Variants in ARMH3 observed in about 807,000 individuals in gnomAD.
ARMH3 encodes the protein armadillo like helical domain containing 3.
A neutral mutation model predicts 99.1 loss-of-function variants in ARMH3; 60 were observed. That is an observed-to-expected ratio of 0.61 (90% CI 0.49 to 0.75). ARMH3 has a LOEUF of 0.75. ARMH3 is among the 30% of genes least tolerant of loss of function. ARMH3 has a pLI of 0.00. For synonymous variants in ARMH3, 285 were observed against 292.8 expected (o/e 0.97, Z 0.27); for missense variants, 679 against 843.1 (o/e 0.81, Z 2.41).
intron 23 of ARMH3, among the ~76,000 whole-genome samples, chr10:101,939,148 T>C (rs773618573): frequency 6.6e-6 from 1 of 152,218 alleles, no homozygotes; most frequent in African/African-American, 2.4e-5. Flanking sequence ...GTTTGCCTCT[T>C]TTACTCAATG....
intron 20 of ARMH3, among the ~76,000 whole-genome samples, chr10:101,968,868 A>C (rs12779949): frequency 3.3e-5 from 5 of 152,182 alleles, no homozygotes; most frequent in Admixed American, 2.0e-4. Flanking sequence ...TCATAACTAC[A>C]TTATAGAACC....
At position 101,867,917 on chromosome 10, in the gene ARMH3, T is replaced by C. The variant is rs1040383338; in HGVS notation, c.1861-18025A>G. Among the ~76,000 whole-genome samples the C allele has an allele frequency of 6.1e-5, 9 of 148,760 alleles. No individual in the cohort carries two copies. The Admixed American group carries it at 6.1e-4, about 10-fold the overall frequency. On this transcript the variant is annotated intron_variant, in intron 24 of 25. Coordinates refer to ENST00000370033, the MANE Select transcript of ARMH3 (RefSeq NM_024541.3). ...ACTTTGGGACGCTGAGGCAGGAGAA[T>C]GGCTTGAGGTCAGGAGTTTGAGATC... is the stretch of plus-strand genomic sequence containing the variant.
intron 19 of ARMH3, among the ~76,000 whole-genome samples, chr10:101,989,746 A>T (rs1277309611): frequency 6.6e-6 from 1 of 152,156 alleles, no homozygotes; most frequent in Admixed American, 6.5e-5. Context: ...ACAAAAACAA[A>T]AAACTGTGAT....
intron 23 of ARMH3, among the ~76,000 whole-genome samples, chr10:101,923,268 T>C (rs1173875786): frequency 2.0e-5 from 3 of 152,234 alleles, no homozygotes; most frequent in Non-Finnish European, 4.4e-5. Flanking sequence ...TCTTCCACTA[T>C]GTAACACTAT....
At chr10:102,034,039 G>A (rs963636190) in intron 2 of ARMH3, among the ~76,000 whole-genome samples, 8 of 152,086 alleles carry the variant, frequency 5.3e-5, no homozygotes, top group Admixed American at 3.3e-4. Flanking sequence ...TATTATCACC[G>A]TCCTCCCATT....
chr10:102,023,480 A>G lies in ARMH3; in HGVS notation c.666T>C (p.Tyr222=), dbSNP rs747428774. ...LLALLVNYRK[Y]ESVNPYIVKL... is the part of the protein sequence containing the mutation. ...GTCCACTAAGGAGCCCAGTTACCTC[A>G]TATTTTCTATAGTTCACCAGCAAAG... Residue 222 remains tyrosine (Y), a synonymous_variant, in exon 8 of 26, where the codon TAT becomes TAC. Transcript: ENST00000370033. 5.6e-6 allele frequency: 9 copies of G among 1,613,280 alleles called. No individual in the cohort carries two copies. Among genetic ancestry groups the G allele is most frequent in the Middle Eastern group, 1.6e-4 (1 of 6,080 alleles).
intron 15 of ARMH3, among the ~76,000 whole-genome samples, chr10:101,997,180 G>A (rs1325752995): frequency 1.3e-5 from 2 of 151,892 alleles, no homozygotes; most frequent in Admixed American, 6.6e-5. Context: ...CAAGAGAATC[G>A]CTTGAATCCA....
At chr10:101,911,709 C>A (rs375382094) in intron 23 of ARMH3, among the ~76,000 whole-genome samples, 28 of 152,132 alleles carry the variant, frequency 1.8e-4, no homozygotes, top group East Asian at 9.6e-4. Context: ...CAAGCCTGAG[C>A]GACAGAGCAA....
chr10:101,914,864 C>CAA (rs373264871), intron 23 of ARMH3, among the ~76,000 whole-genome samples: 1,580 of 66,120 alleles, frequency 0.024, 63 homozygotes, highest in Admixed American at 0.049. Flanking sequence ...AAATCCATCT[C>CAA]AAAAAAAAAA....
At position 101,992,973 on chromosome 10, in the gene ARMH3, T is replaced by C. The variant is rs544596605; in HGVS notation, c.1275+565A>G. 1.2e-4 allele frequency among the ~76,000 whole-genome samples: 19 copies of C among 152,080 alleles called. No homozygotes were observed. In the South Asian group the frequency reaches 3.3e-3, roughly 27 times the overall value. ...CATTTCCTTGCTGAAACCTATATTA[T>C]TGAAATCCAGTATCAGGCCAGGCGC... is the stretch of plus-strand genomic sequence containing the variant. On this transcript the variant is annotated intron_variant, in intron 17 of 25. Transcript: ENST00000370033.
chr10:101,848,197 G>A (rs895483699), intron 25 of ARMH3, among the ~76,000 whole-genome samples: 10 of 152,184 alleles, frequency 6.6e-5, no homozygotes, highest in Non-Finnish European at 1.2e-4. Context: ...CAGCTTGGGA[G>A]CAGGGCCGAG....
At chr10:102,055,792 G>A (rs986076705) in intron 1 of ARMH3, among the ~76,000 whole-genome samples, 1 of 152,216 alleles carries the variant, frequency 6.6e-6, no homozygotes. Context: ...AAGCCAGAAG[G>A]CCCCGCAGGG....
chr10:101,876,924 C>T (rs1254114662), intron 24 of ARMH3, among the ~76,000 whole-genome samples: 1 of 152,082 alleles, frequency 6.6e-6, no homozygotes, highest in Non-Finnish European at 1.5e-5. Flanking sequence ...AAGCTGACTA[C>T]TGGCCAGGTG....
At chr10:101,938,589 T>C (rs759316271) in intron 23 of ARMH3, among the ~76,000 whole-genome samples, 1 of 152,260 alleles carries the variant, frequency 6.6e-6, no homozygotes, top group East Asian at 1.9e-4. Context: ...ATGCACTTCA[T>C]ACCCTAGCCC....
At chr10:101,956,038 C>T (rs1845021452) in intron 22 of ARMH3, among the ~76,000 whole-genome samples, 1 of 152,070 alleles carries the variant, frequency 6.6e-6, no homozygotes, top group Non-Finnish European at 1.5e-5. Flanking sequence ...ATTAACTAGG[C>T]CCCTATTCCA....
intron 2 of ARMH3, among the ~76,000 whole-genome samples, chr10:102,039,150 A>ATT (rs535465530): frequency 1.6e-4 from 23 of 141,782 alleles, no homozygotes; most frequent in Non-Finnish European, 2.9e-4. Context: ...TTGATAGTGT[A>ATT]TTTTTTTTTT....
chr10:101,865,562 C>T (rs1054270947), intron 24 of ARMH3, among the ~76,000 whole-genome samples: 1 of 152,048 alleles, frequency 6.6e-6, no homozygotes, highest in African/African-American at 2.4e-5. Flanking sequence ...GATCTTGGCT[C>T]ACTGCAGCCT....
intron 24 of ARMH3, among the ~76,000 whole-genome samples, chr10:101,867,614 C>T (rs963272874): frequency 6.6e-6 from 1 of 152,164 alleles, no homozygotes; most frequent in African/African-American, 2.4e-5. Flanking sequence ...GGGAGGACTG[C>T]TGGCATCCGG....
intron 1 of ARMH3, among the ~76,000 whole-genome samples, chr10:102,043,578 A>T (rs1311598923): frequency 1.3e-5 from 2 of 152,222 alleles, no homozygotes; most frequent in African/African-American, 2.4e-5. Flanking sequence ...CTATGGGATA[A>T]TAAAGGAGAG....
Sources: gnomAD v4.1 joint callset for allele counts (sites outside exome capture counted in the v4.1 genomes callset) on GRCh38, gnomAD v4.1.1 for gene constraint, MANE v1.5 for transcripts, NCBI Gene and HGNC (gene_info 2026-07-23, HGNC 2026-07-21) for gene names.